EPHA3: variants seen among roughly 807,000 people sequenced by gnomAD.
EPHA3 encodes the protein EPH receptor A3.
EPHA3 carries 42 observed loss-of-function variants against 107.1 expected under a neutral mutation model. That is an observed-to-expected ratio of 0.39 (90% confidence interval 0.31 to 0.51). EPHA3 has a LOEUF of 0.51. Ranked by LOEUF, EPHA3 falls within the 20% of genes least tolerant of loss-of-function variation. The pLI, the probability that EPHA3 is intolerant of heterozygous loss-of-function variation, is 0.78. For synonymous variants in EPHA3, 461 were observed against 424.8 expected, an observed-to-expected ratio of 1.09 and a Z score of -1.05; for missense variants, 1,183 against 1,211.2, an observed-to-expected ratio of 0.98 and a Z score of 0.35.
chr3:89,322,714 T>C (rs1707072240), intron 3 of EPHA3, among the ~76,000 whole-genome samples: 1 of 152,078 alleles, frequency 6.6e-6, no homozygotes, highest in South Asian at 2.1e-4. Context: ...AAGTCAAAGG[T>C]AATCATTTCA....
intron 5 of EPHA3, among the ~76,000 whole-genome samples, chr3:89,382,031 T>C (rs1225257191): frequency 2.0e-5 from 3 of 152,198 alleles, no homozygotes; most frequent in East Asian, 1.9e-4. Flanking sequence ...CAAGATTGTA[T>C]ACATGCCAAA....
At chr3:89,273,240 G>A (rs1476731685) in intron 3 of EPHA3, among the ~76,000 whole-genome samples, 1 of 151,896 alleles carries the variant, frequency 6.6e-6, no homozygotes, top group Non-Finnish European at 1.5e-5. Context: ...ATATGGAAAT[G>A]CTTGTAAATA....
chr3:89,144,518 A>G (rs1228858467), intron 2 of EPHA3, among the ~76,000 whole-genome samples: 3 of 151,744 alleles, frequency 2.0e-5, no homozygotes, highest in Admixed American at 6.6e-5. Flanking sequence ...GGAATTATTA[A>G]TGGTAACATT....
In EPHA3 at chr3:89,431,136, G is replaced by A. The variant is rs1191891257; in HGVS notation, c.2137-14G>A. 6.2e-7 allele frequency: 1 copy of A among 1,611,560 alleles called. No homozygotes were observed. Among genetic ancestry groups the A allele is most frequent in the South Asian group, 1.1e-5 (1 of 90,898 alleles). ...AGGAACGTATCTTAATTGTACATTT[G>A]AAATGCTTCCCAGAAACACGATGCC... On this transcript the variant is annotated splice_polypyrimidine_tract_variant and intron_variant, in intron 12 of 16. Coordinates refer to ENST00000336596, the MANE Select transcript of EPHA3 (RefSeq NM_005233.6).
At position 89,223,384 on chromosome 3, in the gene EPHA3, T is replaced by C. The variant is rs545012147; in HGVS notation, c.814+12864T>C. Among the ~76,000 whole-genome samples, 3 of 152,320 alleles carry C rather than the reference T, an allele frequency of 2.0e-5. No homozygotes were observed. The South Asian group carries it at 6.2e-4, about 32-fold the overall frequency. On this transcript the variant is annotated intron_variant, in intron 3 of 16. Coordinates refer to ENST00000336596, the MANE Select transcript of EPHA3 (RefSeq NM_005233.6). ...AAATGAGAAAATGCATTGGCTTGCT[T>C]TTTATTAAGCACAGTAGGTAAAACA...
At chr3:89,192,636 T>C (rs1335270815) in intron 2 of EPHA3, among the ~76,000 whole-genome samples, 1 of 152,044 alleles carries the variant, frequency 6.6e-6, no homozygotes, top group Non-Finnish European at 1.5e-5. Context: ...CTCTAAAATA[T>C]AGAGTTAATT....
rs1709957313 is a variant in EPHA3, at chr3:89,450,174, C to T, written c.2497-3C>T. On this transcript the variant is annotated splice_region_variant and splice_polypyrimidine_tract_variant and intron_variant, in intron 14 of 16. Transcript: ENST00000336596. Reference sequence around the variant, plus strand: ...GTTCCTGAAAACTTTGCTTCTCACACAGGTAATTAAAGCTGTAGATGAGGG... The same window carrying T: ...GTTCCTGAAAACTTTGCTTCTCACATAGGTAATTAAAGCTGTAGATGAGGG... 2 of 1,566,106 alleles carry T rather than the reference C, an allele frequency of 1.3e-6. No homozygotes were observed. The highest frequency in any genetic ancestry group is 1.7e-6 in the Non-Finnish European group (2 of 1,154,862).
intron 3 of EPHA3, among the ~76,000 whole-genome samples, chr3:89,216,388 T>C (rs893600592): frequency 6.6e-6 from 1 of 151,970 alleles, no homozygotes; most frequent in Non-Finnish European, 1.5e-5. Context: ...GTGATTGAAA[T>C]TGTCCAAGAA....
At chr3:89,293,839 G>A (rs917613148) in intron 3 of EPHA3, among the ~76,000 whole-genome samples, 14 of 152,072 alleles carry the variant, frequency 9.2e-5, no homozygotes, top group African/African-American at 3.4e-4. Flanking sequence ...GTTCTTTATA[G>A]CAGTGTGAAA....
At chr3:89,357,532 A>G (rs1421217121) in intron 5 of EPHA3, among the ~76,000 whole-genome samples, 1 of 151,178 alleles carries the variant, frequency 6.6e-6, no homozygotes, top group South Asian at 2.1e-4. Context: ...AAGTTCGTCT[A>G]TCTTTGTCCA....
At chr3:89,343,597 A>G (rs182027455) in intron 5 of EPHA3, among the ~76,000 whole-genome samples, 1 of 152,314 alleles carries the variant, frequency 6.6e-6, no homozygotes, top group East Asian at 1.9e-4. Flanking sequence ...TTTAAATATA[A>G]GCCATGGCAG....
chr3:89,467,897 C>T (rs184519544), intron 15 of EPHA3, among the ~76,000 whole-genome samples: 2 of 152,288 alleles, frequency 1.3e-5, no homozygotes, highest in East Asian at 1.9e-4. Flanking sequence ...TGTAGGACAT[C>T]GTTTACAGCT....
chr3:89,315,233 G>T (rs1405636310), intron 3 of EPHA3, among the ~76,000 whole-genome samples: 1 of 151,772 alleles, frequency 6.6e-6, no homozygotes, highest in African/African-American at 2.4e-5. Context: ...GTGTGTGAAT[G>T]TGTGTATGCA....
intron 2 of EPHA3, among the ~76,000 whole-genome samples, chr3:89,203,566 G>A (rs577688672): frequency 6.6e-6 from 1 of 151,790 alleles, no homozygotes. Flanking sequence ...GCGGTCAGGA[G>A]ATCGAGACCA....
At chr3:89,335,151 T>C (rs1298872038) in intron 3 of EPHA3, among the ~76,000 whole-genome samples, 1 of 152,206 alleles carries the variant, frequency 6.6e-6, no homozygotes, top group East Asian at 1.9e-4. Context: ...TACCATAAGC[T>C]GGTTAGTTTA....
intron 5 of EPHA3, among the ~76,000 whole-genome samples, chr3:89,370,981 A>T (rs1708289376): frequency 6.6e-6 from 1 of 151,692 alleles, no homozygotes; most frequent in South Asian, 2.1e-4. Context: ...ATGGATATAA[A>T]GTAAGAAAAT....
intron 2 of EPHA3, among the ~76,000 whole-genome samples, chr3:89,139,579 T>C (rs1704384637): frequency 6.6e-6 from 1 of 151,816 alleles, no homozygotes; most frequent in African/African-American, 2.4e-5. Flanking sequence ...CCATTTTCCA[T>C]TAAAGGCAGC....
At chr3:89,426,178 G>A (rs748155743) in intron 11 of EPHA3, among the ~76,000 whole-genome samples, 6 of 151,654 alleles carry the variant, frequency 4.0e-5, no homozygotes, top group Non-Finnish European at 5.9e-5. Context: ...CATGTCATTT[G>A]TAAATCAAAA....
intron 3 of EPHA3, among the ~76,000 whole-genome samples, chr3:89,291,674 T>A (rs555482795): frequency 2.0e-5 from 3 of 152,292 alleles, no homozygotes; most frequent in African/African-American, 7.2e-5. Flanking sequence ...ATTAAATTGC[T>A]AACTGAGGGC....
Sources: gnomAD v4.1 joint callset for allele counts (sites outside exome capture counted in the v4.1 genomes callset) on GRCh38, gnomAD v4.1.1 for gene constraint, MANE v1.5 for transcripts, NCBI Gene and HGNC (gene_info 2026-07-23, HGNC 2026-07-21) for gene names.